The following OPHN1 variants were observed in gnomAD, a reference collection of about 807,000 sequenced individuals.
OPHN1 encodes the protein oligophrenin-1.
Under a neutral mutation model 60.7 loss-of-function variants are expected in OPHN1, and 11 were observed. That is an observed-to-expected ratio of 0.18 (90% CI 0.11 to 0.30). The LOEUF (loss-of-function observed/expected upper bound fraction) is 0.30, where lower values mean the gene tolerates loss of function less well. OPHN1 is among the 10% of genes least tolerant of loss of function. The probability of loss-of-function intolerance (pLI) is 1.00; values close to 1 mark genes in which losing one functional copy is unlikely to be tolerated. For synonymous variants in OPHN1, 226 were observed against 222.6 expected, an observed-to-expected ratio of 1.02 and a Z score of -0.14; for missense variants, 449 against 611.0, an observed-to-expected ratio of 0.73 and a Z score of 2.80.
chrX:68,202,644 T>C (rs758669417), intron 10 of OPHN1, among the ~76,000 whole-genome samples: 1 of 109,067 alleles, frequency 9.2e-6, no homozygotes, highest in Admixed American at 9.8e-5. Context: ...GGATTACAGG[T>C]GCGCACCATG....
chrX:68,097,118 G>T, intron 18 of OPHN1, 89 bp from the exon 19 acceptor site: 1 of 882,499 alleles, frequency 1.1e-6, no homozygotes, highest in Non-Finnish European at 1.5e-6. Context: ...GAGGGTAAGA[G>T]AAACTAAAAT....
At chrX:68,145,540 G>A (rs1416295168) in intron 15 of OPHN1, among the ~76,000 whole-genome samples, 1 of 111,288 alleles carries the variant, frequency 9.0e-6, no homozygotes. Context: ...AAAGGTGGGG[G>A]GAAGCAAACA....
At chrX:68,073,962 T>C (rs2059234137) in intron 19 of OPHN1, among the ~76,000 whole-genome samples, 1 of 112,471 alleles carries the variant, frequency 8.9e-6, no homozygotes, top group African/African-American at 3.2e-5. Flanking sequence ...ACACAGTGCC[T>C]TGGATGCTAT....
At chrX:68,162,996 G>A (rs1191617519) in intron 15 of OPHN1, among the ~76,000 whole-genome samples, 1 of 110,961 alleles carries the variant, frequency 9.0e-6, no homozygotes, top group East Asian at 2.8e-4. Flanking sequence ...AAACCTGCTA[G>A]TACTTTAGTC....
At chrX:68,383,674 C>T (rs1202994551) in intron 2 of OPHN1, among the ~76,000 whole-genome samples, 2 of 91,602 alleles carry the variant, frequency 2.2e-5, no homozygotes, top group African/African-American at 8.1e-5. Context: ...ACATGGAAAA[C>T]AAGAAAAAGT....
At chrX:68,287,192 G>GAAAGAAAGAAAGAAAGAAA (rs1569269528) in intron 3 of OPHN1, among the ~76,000 whole-genome samples, 2 of 59,159 alleles carry the variant, frequency 3.4e-5, no homozygotes, top group African/African-American at 4.5e-4. Flanking sequence ...AAAGAAAAGG[G>GAAAGAAAGAAAGAAAGAAA]AGGGAGGGAG....
intron 5 of OPHN1, among the ~76,000 whole-genome samples, chrX:68,248,337 T>A (rs1260239176): frequency 5.4e-5 from 6 of 110,321 alleles, no homozygotes; most frequent in Non-Finnish European, 1.1e-4. Flanking sequence ...AACGGGCATA[T>A]GAAAAGATGC....
At chrX:68,206,499 A>T in intron 10 of OPHN1, 74 bp downstream of exon 10, 2 of 746,404 alleles carry the variant, frequency 2.7e-6, no homozygotes, top group Non-Finnish European at 4.2e-6. Flanking sequence ...ATTTGATACT[A>T]GGTCAACATA....
At chrX:68,193,995 G>A (rs764141645) in intron 13 of OPHN1, 43 bp from the exon 14 acceptor site, 7 of 1,061,314 alleles carry the variant, frequency 6.6e-6, no homozygotes, top group Middle Eastern at 2.5e-4. Context: ...GCTGCAACAG[G>A]TGTCACCTAT....
At chrX:68,070,377 A>G (rs2076928674) in intron 20 of OPHN1, 2 of 464,716 alleles carry the variant, frequency 4.3e-6, no homozygotes, top group Admixed American at 6.0e-5. Context: ...ATGCTGTGCA[A>G]CTGTTTAAGG....
At chrX:68,362,882 G>A (rs2078480216) in intron 2 of OPHN1, among the ~76,000 whole-genome samples, 1 of 111,360 alleles carries the variant, frequency 9.0e-6, no homozygotes, top group Non-Finnish European at 1.9e-5. Context: ...AACCGGAGGA[G>A]GGGGCTTGGG....
At chrX:68,420,135 A>G (rs1044510687) in intron 2 of OPHN1, among the ~76,000 whole-genome samples, 3 of 111,305 alleles carry the variant, frequency 2.7e-5, no homozygotes, top group Non-Finnish European at 5.7e-5. Context: ...AATGGCCACC[A>G]CTTCCTATGG....
At chrX:68,309,690 G>A (rs1307990497) in intron 2 of OPHN1, among the ~76,000 whole-genome samples, 1 of 112,195 alleles carries the variant, frequency 8.9e-6, no homozygotes, top group Non-Finnish European at 1.9e-5. Context: ...TACATTCTGA[G>A]CTTGAAAAGG....
At chrX:68,214,613 C>T (rs748387399) in intron 6 of OPHN1, among the ~76,000 whole-genome samples, 1 of 111,896 alleles carries the variant, frequency 8.9e-6, no homozygotes, top group East Asian at 2.8e-4. Flanking sequence ...CAACAATGAA[C>T]TACAAGGCAT....
At chrX:68,101,803 G>A (rs1015444222) in intron 18 of OPHN1, among the ~76,000 whole-genome samples, 4 of 112,335 alleles carry the variant, frequency 3.6e-5, no homozygotes, top group African/African-American at 1.3e-4. Context: ...ACATCAGTAA[G>A]GTGAATCAAC....
chrX:68,308,149 A>G lies in OPHN1; in HGVS notation c.155-9053T>C, dbSNP rs188529218. ...AGTTAACTTGCCTCCCTGGGCCTCA[A>G]TTAATCAAAAACAAAAAAATGCTAC... On this transcript the variant is annotated intron_variant, in intron 2 of 24. Coordinates refer to ENST00000355520, the MANE Select transcript of OPHN1 (RefSeq NM_002547.3). Among the ~76,000 whole-genome samples the G allele has an allele frequency of 5.5e-3, 612 of 112,134 alleles. 7 individuals are homozygous for G. Among genetic ancestry groups the G allele is most frequent in the African/African-American group, 0.019 (579 of 30,880 alleles).
At position 68,433,453 on chromosome X, in the gene OPHN1, T is replaced by G. The variant is rs1602420117; in HGVS notation, c.-290A>C. ...GTTAGAGCTGGAGCTGGGAACAGCCTCTCTACAGGCTCCTCGCTCCGGAGC... is the reference window on the plus strand; with the variant it reads ...GTTAGAGCTGGAGCTGGGAACAGCCGCTCTACAGGCTCCTCGCTCCGGAGC... On this transcript the variant is annotated 5_prime_UTR_variant, in exon 1 of 25. Transcript: ENST00000355520. 7.3e-6 allele frequency: 2 copies of G among 272,113 alleles called. No homozygotes were observed. Among genetic ancestry groups the G allele is most frequent in the African/African-American group, 5.6e-5 (2 of 35,959 alleles). 22.4% of individuals were successfully genotyped at this position (272,113 alleles called of 1,213,427 possible).
At chrX:68,240,448 TA>T in intron 5 of OPHN1, among the ~76,000 whole-genome samples, 1 of 111,393 alleles carries the variant, frequency 9.0e-6, no homozygotes, top group Middle Eastern at 4.7e-3. Flanking sequence ...CTTTAATATA[TA>T]TCCGTCTACT....
intron 23 of OPHN1, among the ~76,000 whole-genome samples, chrX:68,048,964 C>T (rs745460197): frequency 1.8e-5 from 2 of 111,605 alleles, no homozygotes; most frequent in Admixed American, 1.9e-4. Context: ...GCATTACGTA[C>T]AACAGCTGGT....
Sources: gnomAD v4.1 joint callset for allele counts (sites outside exome capture counted in the v4.1 genomes callset) on GRCh38, gnomAD v4.1.1 for gene constraint, MANE v1.5 for transcripts, NCBI Gene and HGNC (gene_info 2026-07-23, HGNC 2026-07-21) for gene names.